Variants in DIP2B observed in about 807,000 individuals in gnomAD.
DIP2B encodes the protein disco-interacting protein 2 homolog B.
Under a neutral mutation model 198.0 loss-of-function variants are expected in DIP2B, and 76 were observed. The ratio of observed to expected loss-of-function variants is 0.38; its 90% CI spans 0.32 to 0.46. The LOEUF (loss-of-function observed/expected upper bound fraction) is 0.46, where lower values mean the gene tolerates loss of function less well. DIP2B is among the 20% of genes least tolerant of loss of function. The probability of loss-of-function intolerance (pLI) is 0.99; values close to 1 mark genes in which losing one functional copy is unlikely to be tolerated. For missense variants in DIP2B, 1,559 were observed against 1,978.4 expected (o/e 0.79, Z 4.02); for synonymous variants, 701 against 739.1 (o/e 0.95, Z 0.84).
Position 50,745,696 on chromosome 12 carries a change from C to G in DIP2B, c.*857C>G, listed in dbSNP as rs1439618688. ...GCCTGTTTCTAAAAGCTGAAAATCT[C>G]AGTTTAAAAATCAAAATGTTAACAC... On this transcript the variant is annotated 3_prime_UTR_variant, in exon 38 of 38. Transcript: ENST00000301180. The G allele has an allele frequency of 6.6e-6, 1 of 152,616 alleles. No homozygotes were observed. The highest frequency in any genetic ancestry group is 1.5e-5 in the Non-Finnish European group (1 of 68,044). 9.5% of individuals were successfully genotyped at this position (152,616 alleles called of 1,614,324 possible). A position where few individuals can be genotyped will look rare whatever the true frequency, so the allele number is the denominator to read the frequency against.
chr12:50,736,973 C>T lies in DIP2B; in HGVS notation c.4102-63C>T, dbSNP rs118022454. 10,657 of 1,518,554 alleles carry T rather than the reference C, an allele frequency of 7.0e-3. 40 individuals carry two copies. The highest frequency in any genetic ancestry group is 8.5e-3 in the Non-Finnish European group (9,374 of 1,097,096). The allele number at this position is 1,518,554 out of a possible 1,614,324, so 94.1% of individuals were successfully genotyped here. A position where few individuals can be genotyped will look rare whatever the true frequency, so the allele number is the denominator to read the frequency against. On this transcript the variant is annotated intron_variant, in intron 34 of 37. Coordinates refer to ENST00000301180, the MANE Select transcript of DIP2B (RefSeq NM_173602.3). ...CCTCTCCAGCAGGTAACTAACCGTG[C>T]GTTTCCTGGAGGTCATTAGATTTCA... is the stretch of plus-strand genomic sequence containing the variant.
intron 1 of DIP2B, among the ~76,000 whole-genome samples, chr12:50,580,597 G>C (rs1451127255): frequency 7.1e-6 from 1 of 140,174 alleles, no homozygotes; most frequent in Admixed American, 7.7e-5. Flanking sequence ...GTGTAGTGGC[G>C]TGATCTCGGC....
chr12:50,611,543 G>C (rs572269201), intron 1 of DIP2B, among the ~76,000 whole-genome samples: 1 of 152,290 alleles, frequency 6.6e-6, no homozygotes, highest in African/African-American at 2.4e-5. Flanking sequence ...GCCAGGAAAA[G>C]AGGAACCAGA....
chr12:50,508,254 G>A (rs961440002), intron 1 of DIP2B, among the ~76,000 whole-genome samples: 5 of 152,212 alleles, frequency 3.3e-5, no homozygotes, highest in Admixed American at 6.5e-5. Flanking sequence ...CTATAGACGA[G>A]TTGAATAGGT....
intron 3 of DIP2B, 84 bp downstream of exon 3, chr12:50,640,936 G>T (rs1938245882): frequency 1.7e-5 from 19 of 1,149,094 alleles, no homozygotes; most frequent in South Asian, 7.2e-5. Context: ...TCTAATACTT[G>T]TCTTTTTTTT....
rs1285270424 is a variant in DIP2B at position 50,706,599 on chromosome 12, A to T, written c.2468A>T (p.His823Leu). ...DGLLMVSGRRHNADDIVATGL... is the reference protein window; with the variant it reads ...DGLLMVSGRRLNADDIVATGL... ...TTACTGATGGTTAGTGGTCGAAGAC[A>T]TAATGCTGATGACATTGTTGCTACT... The change falls in exon 21 of 38, where the codon CAT (histidine) becomes CTT (leucine). Residue 823 changes from histidine to leucine, a missense_variant. His to Leu is a moderately conservative substitution (Grantham distance 99). Transcript: ENST00000301180. The T allele has an allele frequency of 1.2e-6, 2 of 1,614,168 alleles. No individual in the cohort carries two copies. The highest frequency in any genetic ancestry group is 1.7e-6 in the Non-Finnish European group (2 of 1,180,008).
At position 50,607,480 on chromosome 12, in the gene DIP2B, A is replaced by C. The variant is rs569056451; in HGVS notation, c.101-18496A>C. Among the ~76,000 whole-genome samples the C allele has an allele frequency of 3.9e-5, 6 of 152,284 alleles. No individual in the cohort carries two copies. In the South Asian group the frequency reaches 1.0e-3, roughly 26 times the overall value. ...AATCTCATTACTTATTTTTTATCAA[A>C]TCAAGTCTTTCCTGTGATTTTTCTT... On this transcript the variant is annotated intron_variant, in intron 1 of 37. Coordinates refer to ENST00000301180, the MANE Select transcript of DIP2B (RefSeq NM_173602.3).
intron 1 of DIP2B, among the ~76,000 whole-genome samples, chr12:50,530,407 A>T (rs1362248104): frequency 1.3e-5 from 2 of 152,204 alleles, no homozygotes; most frequent in Admixed American, 1.3e-4. Flanking sequence ...CAGGGGAAAG[A>T]GCATCATATA....
chr12:50,539,369 C>T (rs1385313477), intron 1 of DIP2B, among the ~76,000 whole-genome samples: 1 of 151,534 alleles, frequency 6.6e-6, no homozygotes, highest in East Asian at 1.9e-4. Context: ...GTAATACCAG[C>T]ACTTTTGAGA....
intron 23 of DIP2B, among the ~76,000 whole-genome samples, chr12:50,717,725 A>T (rs1215981447): frequency 2.6e-5 from 4 of 151,320 alleles, no homozygotes; most frequent in Non-Finnish European, 5.9e-5. Flanking sequence ...AGTAGCCTGG[A>T]CTAAAGATGT....
At chr12:50,511,500 C>T (rs12817256) in intron 1 of DIP2B, among the ~76,000 whole-genome samples, 131,040 of 151,110 alleles carry the variant, frequency 0.87, 58,083 homozygotes, top group Non-Finnish European at 0.98. Flanking sequence ...ACTATGTTGG[C>T]CAGGCTAGTC....
intron 1 of DIP2B, among the ~76,000 whole-genome samples, chr12:50,593,046 A>G (rs1958833076): frequency 6.6e-6 from 1 of 152,218 alleles, no homozygotes; most frequent in Non-Finnish European, 1.5e-5. Context: ...CACACAAGGC[A>G]ACCAAATTTC....
intron 1 of DIP2B, among the ~76,000 whole-genome samples, chr12:50,599,073 T>C (rs1324513846): frequency 7.0e-6 from 1 of 143,626 alleles, no homozygotes; most frequent in Non-Finnish European, 1.5e-5. Context: ...GCAGATTGCT[T>C]GAGTCCAGGA....
In DIP2B at chr12:50,543,667, A is replaced by G. The variant is rs556776998; in HGVS notation, c.100+38427A>G. Reference sequence around the variant, plus strand: ...GCCGGTCATGGTGTCTCACACTTGTAATCCCAGCACTTTGGGAGGCTGAGG... The same window carrying G: ...GCCGGTCATGGTGTCTCACACTTGTGATCCCAGCACTTTGGGAGGCTGAGG... On this transcript the variant is annotated intron_variant, in intron 1 of 37. Transcript: ENST00000301180. Among the ~76,000 whole-genome samples the G allele has an allele frequency of 7.9e-5, 12 of 151,976 alleles. No individual in the cohort carries two copies. In the East Asian group the frequency reaches 2.4e-3, roughly 30 times the overall value.
chr12:50,566,068 G>A lies in DIP2B; in HGVS notation c.101-59908G>A, dbSNP rs886599171. On this transcript the variant is annotated intron_variant, in intron 1 of 37. Transcript: ENST00000301180. ...TTTCTTTTCTTTTTTTCTGAGACAG[G>A]GTCTTGCTCTGTCACTCAGGCTGGA... Among the ~76,000 whole-genome samples the A allele has an allele frequency of 3.3e-5, 5 of 151,922 alleles. No homozygotes were observed. The East Asian group carries it at 7.7e-4, about 23-fold the overall frequency.
At chr12:50,682,207 T>G (rs1476932113) in intron 9 of DIP2B, among the ~76,000 whole-genome samples, 2 of 152,222 alleles carry the variant, frequency 1.3e-5, no homozygotes, top group Non-Finnish European at 2.9e-5. Context: ...TATGTTCTAT[T>G]AATGAATTAA....
At chr12:50,650,035 C>T (rs1259367273) in intron 3 of DIP2B, among the ~76,000 whole-genome samples, 1 of 151,882 alleles carries the variant, frequency 6.6e-6, no homozygotes. Context: ...ATGATGAAAC[C>T]GCATCTCTAC....
intron 4 of DIP2B, among the ~76,000 whole-genome samples, chr12:50,669,606 G>C (rs561177102): frequency 6.6e-6 from 1 of 152,214 alleles, no homozygotes; most frequent in South Asian, 2.1e-4. Context: ...TGTATTTTTA[G>C]TAAAGACAGG....
In DIP2B at chr12:50,704,237, T is replaced by C. The variant is rs770661793; in HGVS notation, c.2406+17T>C. ...GTAGGGCCGGTAAGTGATGCTTTCA[T>C]GTTGATTTTGTTACATTTGATCCAA... On this transcript the variant is annotated intron_variant, in intron 20 of 37. Coordinates refer to ENST00000301180, the MANE Select transcript of DIP2B (RefSeq NM_173602.3). The C allele has an allele frequency of 5.6e-6, 9 of 1,600,628 alleles. No homozygotes were observed. Among genetic ancestry groups the C allele is most frequent in the Non-Finnish European group, 7.7e-6 (9 of 1,176,128 alleles).
Sources: gnomAD v4.1 joint callset for allele counts (sites outside exome capture counted in the v4.1 genomes callset) on GRCh38, gnomAD v4.1.1 for gene constraint, MANE v1.5 for transcripts, NCBI Gene and HGNC (gene_info 2026-07-23, HGNC 2026-07-21) for gene names.